RNF182: variants seen among roughly 807,000 people sequenced by gnomAD.
RNF182 encodes E3 ubiquitin-protein ligase RNF182.
In RNF182, 15 loss-of-function variants were observed where a neutral mutation model predicts 14.4. That is an observed-to-expected ratio of 1.04 (90% CI 0.70 to 1.60). The LOEUF is 1.60. RNF182 is among the 40% of genes most tolerant of loss of function. The pLI is 0.00. For missense variants in RNF182, 268 were observed against 294.8 expected (o/e 0.91, Z 0.67); for synonymous variants, 128 against 122.9 (o/e 1.04, Z -0.27).
chr6:13,975,393 C>CT (rs1192392898), intron 2 of RNF182, among the ~76,000 whole-genome samples: 1 of 152,092 alleles, frequency 6.6e-6, no homozygotes, highest in Non-Finnish European at 1.5e-5. Flanking sequence ...GTCTGTATAT[C>CT]TTTTTTGTGT....
intron 1 of RNF182, among the ~76,000 whole-genome samples, chr6:13,953,441 T>C (rs1021533813): frequency 1.3e-5 from 2 of 152,016 alleles, no homozygotes; most frequent in African/African-American, 4.8e-5. Flanking sequence ...AGGAGGTAAG[T>C]AGGAGAGACT....
Position 13,977,438 on chromosome 6 carries a change from G to A in RNF182, c.319G>A (p.Glu107Lys). ...GKKCLPENPT[E>K]LLLTPKRLAS... is the part of the protein sequence containing the mutation. ...GAAGTGCCTGCCAGAGAACCCTACT[G>A]AGCTGCTGCTCACCCCCAAGAGGCT... Residue 107 changes from glutamate (E) to lysine (K), a missense_variant, in exon 3 of 3, where the codon GAG (glutamate) becomes AAG (lysine). Coordinates refer to ENST00000488300, the MANE Select transcript of RNF182 (RefSeq NM_152737.4). 1 of 1,614,144 alleles carries A rather than the reference G, an allele frequency of 6.2e-7. No homozygotes were observed. The highest frequency in any genetic ancestry group is 8.5e-7 in the Non-Finnish European group (1 of 1,180,012).
chr6:13,969,277 C>G (rs1760116845), intron 1 of RNF182, among the ~76,000 whole-genome samples: 1 of 152,110 alleles, frequency 6.6e-6, no homozygotes, highest in African/African-American at 2.4e-5. Context: ...CCTGTCCTGT[C>G]TTGTCCCTAG....
chr6:13,969,706 A>C (rs1471343223), intron 1 of RNF182, among the ~76,000 whole-genome samples: 4 of 152,194 alleles, frequency 2.6e-5, no homozygotes, highest in Non-Finnish European at 5.9e-5. Context: ...CTGTGAAAAC[A>C]ATCATTTGCC....
At chr6:13,942,951 A>G (rs779158539) in intron 1 of RNF182, among the ~76,000 whole-genome samples, 2 of 152,192 alleles carry the variant, frequency 1.3e-5, no homozygotes, top group Non-Finnish European at 2.9e-5. Flanking sequence ...TAGGTGTAGC[A>G]TTCAATGATC....
At chr6:13,970,969 A>T (rs1760158911) in intron 1 of RNF182, among the ~76,000 whole-genome samples, 1 of 152,104 alleles carries the variant, frequency 6.6e-6, no homozygotes, top group Non-Finnish European at 1.5e-5. Context: ...AGATAACACT[A>T]GTACAGAAGA....
At chr6:13,930,603 G>A (rs1158756637) in intron 1 of RNF182, among the ~76,000 whole-genome samples, 1 of 152,150 alleles carries the variant, frequency 6.6e-6, no homozygotes, top group Non-Finnish European at 1.5e-5. Context: ...GAATGATTAA[G>A]CATTTTAATT....
intron 1 of RNF182, among the ~76,000 whole-genome samples, chr6:13,928,470 T>G (rs1758885553): frequency 6.6e-6 from 1 of 152,184 alleles, no homozygotes; most frequent in African/African-American, 2.4e-5. Context: ...CTCCTTTGTT[T>G]TCAGCCTTCC....
chr6:13,966,575 C>T (rs541103462), intron 1 of RNF182, among the ~76,000 whole-genome samples: 1 of 152,060 alleles, frequency 6.6e-6, no homozygotes, highest in Non-Finnish European at 1.5e-5. Flanking sequence ...CCAGCCTGGG[C>T]AACATGGCAA....
intron 1 of RNF182, among the ~76,000 whole-genome samples, chr6:13,939,183 C>T (rs1405658622): frequency 1.3e-5 from 2 of 152,196 alleles, no homozygotes; most frequent in African/African-American, 4.8e-5. Flanking sequence ...TCTTTTAGCC[C>T]ATTTTTAGTG....
intron 1 of RNF182, among the ~76,000 whole-genome samples, chr6:13,957,092 G>A (rs1759752506): frequency 6.6e-6 from 1 of 152,142 alleles, no homozygotes; most frequent in Admixed American, 6.5e-5. Flanking sequence ...GGTGCCTTTT[G>A]GGATAGAGTA....
chr6:13,946,156 A>ATTATTG (rs1433566145), intron 1 of RNF182, among the ~76,000 whole-genome samples: 2 of 146,436 alleles, frequency 1.4e-5, no homozygotes, highest in African/African-American at 5.0e-5. Flanking sequence ...TATTATTATT[A>ATTATTG]TTATTATTAT....
intron 1 of RNF182, among the ~76,000 whole-genome samples, chr6:13,961,963 T>G (rs927155691): frequency 1.3e-5 from 2 of 152,100 alleles, no homozygotes; most frequent in African/African-American, 4.8e-5. Context: ...GTTGGAGACT[T>G]TTATTATAGT....
chr6:13,935,361 TCCCCGTATGTTGA>T (rs879907168), intron 1 of RNF182, among the ~76,000 whole-genome samples: 8 of 152,136 alleles, frequency 5.3e-5, no homozygotes, highest in Non-Finnish European at 8.8e-5. Flanking sequence ...CCAGATGTAG[TCCCCGTATGTTGA>T]CTTAACTGTC....
Position 13,977,951 on chromosome 6 carries a change from T to G in RNF182, c.*88T>G. 1 of 1,347,560 alleles carries G rather than the reference T, an allele frequency of 7.4e-7. No homozygotes were observed. The highest frequency in any genetic ancestry group is 1.0e-6 in the Non-Finnish European group (1 of 989,512). 83.5% of individuals were successfully genotyped at this position (1,347,560 alleles called of 1,614,324 possible). On this transcript the variant is annotated 3_prime_UTR_variant, in exon 3 of 3. Transcript: ENST00000488300. ...TATAATTTATTTTCTTTTATGTTCT[T>G]TATGATTAGTATCCATGACATTAAC...
chr6:13,936,017 G>C (rs368759444), intron 1 of RNF182, among the ~76,000 whole-genome samples: 1 of 152,236 alleles, frequency 6.6e-6, no homozygotes, highest in Non-Finnish European at 1.5e-5. Context: ...CAAGGGAAAA[G>C]AGGCACATCT....
intron 1 of RNF182, among the ~76,000 whole-genome samples, chr6:13,967,132 C>G (rs748026174): frequency 5.3e-5 from 8 of 152,096 alleles, no homozygotes; most frequent in Non-Finnish European, 7.3e-5. Context: ...TACCACATCT[C>G]TGGCAGCTGT....
At chr6:13,961,318 A>G (rs1227933992) in intron 1 of RNF182, among the ~76,000 whole-genome samples, 2 of 152,234 alleles carry the variant, frequency 1.3e-5, no homozygotes, top group Non-Finnish European at 2.9e-5. Flanking sequence ...TCGCATCCAT[A>G]TAGTGCTTAT....
intron 1 of RNF182, among the ~76,000 whole-genome samples, chr6:13,933,865 A>T (rs1476290774): frequency 6.6e-6 from 1 of 152,078 alleles, no homozygotes; most frequent in Non-Finnish European, 1.5e-5. Flanking sequence ...TAAAAATACA[A>T]AAATTAGCTA....
Sources: gnomAD v4.1 joint callset for allele counts (sites outside exome capture counted in the v4.1 genomes callset) on GRCh38, gnomAD v4.1.1 for gene constraint, MANE v1.5 for transcripts, NCBI Gene and HGNC (gene_info 2026-07-23, HGNC 2026-07-21) for gene names.